TBC1D22A: variants seen among roughly 807,000 people sequenced by gnomAD.
The protein encoded by TBC1D22A is putative GTPase activator.
TBC1D22A carries 38 observed loss-of-function variants against 60.2 expected under a neutral mutation model. The ratio of observed to expected loss-of-function variants is 0.63; its 90% confidence interval spans 0.49 to 0.83. The LOEUF (loss-of-function observed/expected upper bound fraction) is 0.83, where lower values mean the gene tolerates loss of function less well. TBC1D22A is among the 40% of genes least tolerant of loss of function. The pLI, the probability that TBC1D22A is intolerant of heterozygous loss-of-function variation, is 0.00. For synonymous variants in TBC1D22A, 302 were observed against 281.7 expected (o/e 1.07, Z -0.72); for missense variants, 628 against 701.0 (o/e 0.90, Z 1.18).
At chr22:46,915,487 T>C (rs1233803363) in intron 8 of TBC1D22A, 1 of 456,720 alleles carries the variant, frequency 2.2e-6, no homozygotes, top group Non-Finnish European at 4.4e-6. Flanking sequence ...TGACCGCTCA[T>C]ACACCTTTGG....
chr22:47,072,034 G>A (rs973729702), intron 11 of TBC1D22A, among the ~76,000 whole-genome samples: 1 of 152,180 alleles, frequency 6.6e-6, no homozygotes, highest in East Asian at 1.9e-4. Flanking sequence ...AAAACTTCAT[G>A]TTTCTAAGGT....
intron 7 of TBC1D22A, among the ~76,000 whole-genome samples, chr22:46,908,171 A>G (rs1051842686): frequency 7.9e-5 from 12 of 152,196 alleles, no homozygotes; most frequent in Admixed American, 5.9e-4. Context: ...GTTAGCAGGA[A>G]GACCAGCCAG....
chr22:46,927,479 C>A (rs536645463), intron 8 of TBC1D22A, among the ~76,000 whole-genome samples: 3 of 152,316 alleles, frequency 2.0e-5, no homozygotes, highest in African/African-American at 7.2e-5. Context: ...CATGAAAATT[C>A]TGTGACTAAC....
At chr22:46,789,750 A>G (rs2084326310) in intron 1 of TBC1D22A, among the ~76,000 whole-genome samples, 1 of 152,254 alleles carries the variant, frequency 6.6e-6, no homozygotes. Flanking sequence ...AGGAGAGGTT[A>G]CTGAATAAAT....
intron 11 of TBC1D22A, among the ~76,000 whole-genome samples, chr22:47,075,126 G>T (rs1380252432): frequency 1.3e-5 from 2 of 151,674 alleles, no homozygotes; most frequent in African/African-American, 2.4e-5. Flanking sequence ...GGTAGGCTGA[G>T]GCAGGAGAAT....
chr22:47,166,967 C>A (rs1371172132), intron 12 of TBC1D22A, among the ~76,000 whole-genome samples: 1 of 152,182 alleles, frequency 6.6e-6, no homozygotes, highest in Non-Finnish European at 1.5e-5. Flanking sequence ...TGGCAGCTGC[C>A]CAGCCGGACA....
At chr22:47,150,499 A>G (rs2067460757) in intron 12 of TBC1D22A, among the ~76,000 whole-genome samples, 1 of 152,104 alleles carries the variant, frequency 6.6e-6, no homozygotes, top group Non-Finnish European at 1.5e-5. Flanking sequence ...CGTACACCTG[A>G]GGCGGTCTGG....
At chr22:46,964,276 A>C (rs2073690097) in intron 8 of TBC1D22A, among the ~76,000 whole-genome samples, 1 of 152,096 alleles carries the variant, frequency 6.6e-6, no homozygotes, top group Non-Finnish European at 1.5e-5. Context: ...ACTTAGGAAG[A>C]AGTTTATTTG....
intron 4 of TBC1D22A, among the ~76,000 whole-genome samples, chr22:46,817,314 G>A (rs1366059416): frequency 2.0e-5 from 3 of 151,020 alleles, no homozygotes; most frequent in Non-Finnish European, 4.4e-5. Context: ...GGTGCAGAAT[G>A]TGCAGGTTTG....
intron 10 of TBC1D22A, among the ~76,000 whole-genome samples, chr22:47,033,700 G>A (rs1417832104): frequency 6.6e-6 from 1 of 152,222 alleles, no homozygotes; most frequent in Non-Finnish European, 1.5e-5. Context: ...CGTCTGGGTA[G>A]CCTCGCACTG....
At chr22:47,133,842 G>A (rs1226534093) in intron 12 of TBC1D22A, among the ~76,000 whole-genome samples, 1 of 152,182 alleles carries the variant, frequency 6.6e-6, no homozygotes, top group Non-Finnish European at 1.5e-5. Context: ...CGATCAACAC[G>A]GCCCCGGGCA....
At position 47,000,000 on chromosome 22, in the gene TBC1D22A, G is replaced by C. The variant is rs573707023; in HGVS notation, c.1201+2291G>C. 9.5e-4 allele frequency among the ~76,000 whole-genome samples: 144 copies of C among 152,322 alleles called. 1 individual carries two copies. The highest frequency in any genetic ancestry group is 3.3e-3 in the African/African-American group (137 of 41,586). On this transcript the variant is annotated intron_variant, in intron 10 of 12. Transcript: ENST00000337137. Reference sequence around the variant, plus strand: ...AGATCGTGCCACTGCACTCCAGCCTGGGTGACAGAGCGAGACTCCATCTCA... The same window carrying C: ...AGATCGTGCCACTGCACTCCAGCCTCGGTGACAGAGCGAGACTCCATCTCA...
chr22:47,023,059 A>G (rs907732641), intron 10 of TBC1D22A, among the ~76,000 whole-genome samples: 18 of 152,228 alleles, frequency 1.2e-4, no homozygotes, highest in Non-Finnish European at 2.6e-4. Flanking sequence ...TGACCCAGAA[A>G]TGGTACAGAT....
chr22:46,881,225 A>G (rs566804881), intron 5 of TBC1D22A, among the ~76,000 whole-genome samples: 9 of 152,250 alleles, frequency 5.9e-5, no homozygotes, highest in Non-Finnish European at 1.0e-4. Context: ...GCCTTGAAAG[A>G]GCCGTTGGTT....
intron 8 of TBC1D22A, among the ~76,000 whole-genome samples, chr22:46,950,750 T>G (rs2072850516): frequency 6.6e-6 from 1 of 152,038 alleles, no homozygotes; most frequent in Admixed American, 6.6e-5. Context: ...TCTGAAGAGG[T>G]AGAGAGAGCG....
At chr22:46,878,909 C>T (rs995554247) in intron 5 of TBC1D22A, among the ~76,000 whole-genome samples, 186 bp downstream of exon 5, 2 of 152,176 alleles carry the variant, frequency 1.3e-5, no homozygotes, top group Non-Finnish European at 1.5e-5. Context: ...CTTGGTTTGA[C>T]AGGACTGGCA....
intron 11 of TBC1D22A, among the ~76,000 whole-genome samples, chr22:47,101,483 C>T (rs902412775): frequency 2.0e-5 from 3 of 152,238 alleles, no homozygotes; most frequent in Non-Finnish European, 4.4e-5. Flanking sequence ...GTGGGAGTTT[C>T]CCAATGCAGC....
chr22:46,967,592 C>T (rs920961753), intron 8 of TBC1D22A, among the ~76,000 whole-genome samples: 8 of 152,202 alleles, frequency 5.3e-5, no homozygotes, highest in South Asian at 2.1e-4. Flanking sequence ...TTACCGACAG[C>T]GTTTGTGCTA....
rs559241664 is a variant in TBC1D22A, at chr22:47,051,054, A to T, written c.1329+13856A>T. 1.7e-4 allele frequency among the ~76,000 whole-genome samples: 26 copies of T among 152,134 alleles called. 2 individuals are homozygous for T. Among genetic ancestry groups the T allele is most frequent in the Admixed American group, 1.2e-3 (19 of 15,310 alleles). On this transcript the variant is annotated intron_variant, in intron 11 of 12. Transcript: ENST00000337137. ...TGGGCGGCGGCTCTGGGGCTTCCCC[A>T]GGGGGCTTCCGTGGGTTCTGCCCTG...
Sources: gnomAD v4.1 joint callset for allele counts (sites outside exome capture counted in the v4.1 genomes callset) on GRCh38, gnomAD v4.1.1 for gene constraint, MANE v1.5 for transcripts, NCBI Gene and HGNC (gene_info 2026-07-23, HGNC 2026-07-21) for gene names.